The following RPL3 variants were observed in gnomAD, a reference collection of about 807,000 sequenced individuals.
The protein encoded by RPL3 is ribosomal protein L3, also known as large ribosomal subunit protein uL3.
Under a neutral mutation model 46.0 loss-of-function variants are expected in RPL3, and 3 were observed. That is an observed-to-expected ratio of 0.07 (90% CI 0.03 to 0.17). The LOEUF is 0.17. RPL3 is among the 10% of genes least tolerant of loss of function. RPL3 has a pLI of 1.00. For missense variants in RPL3, 387 were observed against 532.7 expected (o/e 0.73, Z 2.69); for synonymous variants, 224 against 190.8 (o/e 1.17, Z -1.43).
chr22:39,317,208 A>T (rs1045646115), intron 3 of RPL3: 1 of 572,722 alleles, frequency 1.7e-6, no homozygotes, highest in African/African-American at 1.9e-5. Context: ...CCTGGTTTCT[A>T]GTTGGACTCC....
intron 5 of RPL3, 107 bp downstream of exon 5, chr22:39,315,262 C>A (rs770995849): frequency 7.0e-7 from 1 of 1,421,396 alleles, no homozygotes; most frequent in Non-Finnish European, 9.9e-7. Context: ...CTGTCCGATT[C>A]GGGCGCTGTA....
At position 39,313,625 on chromosome 22, in the gene RPL3, C is replaced by A. The variant is rs776580229; in HGVS notation, c.1047+9G>T. The A allele has an allele frequency of 1.2e-6, 2 of 1,612,864 alleles. No individual in the cohort carries two copies. The highest frequency in any genetic ancestry group is 1.7e-6 in the Non-Finnish European group (2 of 1,179,586). ...GAGCCCCCCCATGACAAGTCAGGAC[C>A]TGCCTCACCTTGCGGAGGGTGAGCA... On this transcript the variant is annotated intron_variant, in intron 8 of 9. Transcript: ENST00000216146.
At position 39,316,643 on chromosome 22, in the gene RPL3, C is replaced by A. The variant is rs182850304; in HGVS notation, c.501+63G>T. 550 of 1,606,652 alleles carry A rather than the reference C, an allele frequency of 3.4e-4. 2 individuals are homozygous for A. In the African/African-American group the frequency reaches 6.9e-3, roughly 20 times the overall value. On this transcript the variant is annotated intron_variant, in intron 4 of 9. Coordinates refer to ENST00000216146, the MANE Select transcript of RPL3 (RefSeq NM_000967.4). The stretch of plus-strand genomic sequence containing the variant: ...CATAAGCGTGCGGGCACGGGACCCC[C>A]ATGATCACATAGGTCACTTCTACTA...
intron 5 of RPL3, chr22:39,315,128 T>G: frequency 1.3e-6 from 1 of 791,424 alleles, no homozygotes; most frequent in Admixed American, 1.8e-5. Context: ...CAGTTATCAG[T>G]AGGCTACAAA....
In RPL3 at chr22:39,315,394, C is replaced by G. The variant is rs1267229462; in HGVS notation, c.663G>C (p.Gly221=). Residue 221 remains glycine, a synonymous_variant, in exon 5 of 10, where the codon GGG becomes GGC. Transcript: ENST00000216146. The part of the protein sequence containing the change: ...FGQDEMIDVI[G]VTKGKGYKGV... Reference sequence around the variant, plus strand: ...CTTTGTAGCCTTTGCCCTTGGTCACCCCGATGACGTCGATCATCTCATCCT... The same window carrying G: ...CTTTGTAGCCTTTGCCCTTGGTCACGCCGATGACGTCGATCATCTCATCCT... 14 of 1,614,024 alleles carry G rather than the reference C, an allele frequency of 8.7e-6. No individual in the cohort carries two copies. Among genetic ancestry groups the G allele is most frequent in the Non-Finnish European group, 1.0e-5 (12 of 1,180,052 alleles).
At chr22:39,313,166 G>C in intron 9 of RPL3, 25 bp downstream of exon 9, 2 of 1,605,444 alleles carry the variant, frequency 1.2e-6, no homozygotes, top group Non-Finnish European at 1.7e-6. Context: ...CACACCCAGC[G>C]AGGGGGGCAG....
intron 1 of RPL3, chr22:39,318,956 C>G: frequency 1.9e-6 from 1 of 525,898 alleles, no homozygotes; most frequent in Non-Finnish European, 3.9e-6. Flanking sequence ...GGGACAAACG[C>G]TGGGTAGCAG....
At chr22:39,318,798 T>C (rs1922864168) in intron 1 of RPL3, among the ~76,000 whole-genome samples, 2 of 152,328 alleles carry the variant, frequency 1.3e-5, no homozygotes, top group African/African-American at 4.8e-5. Context: ...CTGAATCTTA[T>C]TTCAAATCCT....
intron 8 of RPL3, 119 bp downstream of exon 8, chr22:39,313,515 G>C (rs1233972001): frequency 7.2e-6 from 9 of 1,255,090 alleles, no homozygotes; most frequent in Non-Finnish European, 1.0e-5. Flanking sequence ...AAGCCAGTGT[G>C]AAAGGACTGC....
chr22:39,314,657 C>T, intron 6 of RPL3, 29 bp downstream of exon 6: 5 of 1,596,040 alleles, frequency 3.1e-6, no homozygotes, highest in Non-Finnish European at 3.4e-6. Flanking sequence ...CCTCTTCCCA[C>T]CCCCAGGGAG....
At chr22:39,313,757 G>A (rs1268013164) in intron 7 of RPL3, 28 bp from the exon 8 acceptor site, 1 of 1,604,278 alleles carries the variant, frequency 6.2e-7, no homozygotes, top group African/African-American at 1.3e-5. Flanking sequence ...GATCAGCACA[G>A]GCCCAGGAGG....
chr22:39,315,685 G>T, intron 4 of RPL3, 130 bp from the exon 5 acceptor site: 1 of 1,051,734 alleles, frequency 9.5e-7, no homozygotes. Context: ...ACAAGTCACT[G>T]AACCTCACCA....
Position 39,314,109 on chromosome 22 carries a change from G to A in RPL3, c.949C>T (p.Leu317=). 2.5e-6 allele frequency: 4 copies of A among 1,612,738 alleles called. No homozygotes were observed. The highest frequency in any genetic ancestry group is 3.4e-6 in the Non-Finnish European group (4 of 1,179,770). The change falls in exon 7 of 10, where the codon CTG becomes TTG. Residue 317 remains leucine, a splice_region_variant and synonymous_variant. Transcript: ENST00000216146. ...AGAGCAGAACACCCATTACTTACCA[G>A]AGGGTTGATGCTCTTGTCAGATAGG... ...YDLSDKSINP[L]GGFVHYGEVT... is the part of the protein sequence containing the mutation.
chr22:39,313,078 C>CAG, intron 9 of RPL3, 94 bp from the exon 10 acceptor site: 1 of 1,606,478 alleles, frequency 6.2e-7, no homozygotes, highest in East Asian at 2.2e-5. Flanking sequence ...CCAGTCTCCA[C>CAG]AGCCACAAGA....
chr22:39,316,844 T>A lies in RPL3; in HGVS notation c.366-3A>T. On this transcript the variant is annotated splice_polypyrimidine_tract_variant and splice_region_variant and intron_variant, in intron 3 of 9. Coordinates refer to ENST00000216146, the MANE Select transcript of RPL3 (RefSeq NM_000967.4). ...AGGCCTTCTTCTTAGATTTATGCCT[T>A]CAGGAGCAGAGCAGAGTTGGGGAGG... is the stretch of plus-strand genomic sequence containing the variant. The A allele has an allele frequency of 6.2e-7, 1 of 1,613,804 alleles. No individual in the cohort carries two copies. The highest frequency in any genetic ancestry group is 8.5e-7 in the Non-Finnish European group (1 of 1,180,030).
intron 4 of RPL3, 68 bp downstream of exon 4, chr22:39,316,638 A>ACC (rs2146516221): frequency 1.9e-6 from 3 of 1,599,992 alleles, no homozygotes; most frequent in Non-Finnish European, 2.6e-6. Flanking sequence ...CGGGCACGGG[A>ACC]CCCCCATGAT....
chr22:39,313,602 GCC>G (rs762831799), intron 8 of RPL3, 30 bp downstream of exon 8: 1 of 1,596,814 alleles, frequency 6.3e-7, no homozygotes, highest in Admixed American at 1.7e-5. Context: ...CTCTACAAGA[GCC>G]CCCCCATGAC....
rs1166895451 is a variant in RPL3 at position 39,312,996 on chromosome 22, G to C, written c.1168-12C>G. On this transcript the variant is annotated splice_polypyrimidine_tract_variant and intron_variant, in intron 9 of 9. Coordinates refer to ENST00000216146, the MANE Select transcript of RPL3 (RefSeq NM_000967.4). The stretch of plus-strand genomic sequence containing the variant: ...TTCTTCAGTGGTCCCTGTGGGGAGA[G>C]AGGCAGTGGTCAGAGGTAGAAGATG... 1.9e-6 allele frequency: 3 copies of C among 1,614,010 alleles called. No individual in the cohort carries two copies. Among genetic ancestry groups the C allele is most frequent in the Non-Finnish European group, 2.5e-6 (3 of 1,179,980 alleles).
chr22:39,319,245 T>C, intron 1 of RPL3: 1 of 508,260 alleles, frequency 2.0e-6, no homozygotes, highest in East Asian at 4.4e-5. Flanking sequence ...CCACCCAAGG[T>C]CCTTCTACCC....
Sources: allele counts gnomAD v4.1 joint callset (sites outside exome capture counted in the v4.1 genomes callset), GRCh38; gene constraint gnomAD v4.1.1; transcripts MANE v1.5; gene names NCBI Gene and HGNC (gene_info 2026-07-23, HGNC 2026-07-21).